FBH1: variants seen among roughly 807,000 people sequenced by gnomAD.
FBH1 encodes F-box DNA helicase 1.
A neutral mutation model predicts 115.5 loss-of-function variants in FBH1; 43 were observed. The observed-to-expected ratio is 0.37, with a 90% CI of 0.29 to 0.48. The LOEUF is 0.48. FBH1 is among the 20% of genes least tolerant of loss of function. FBH1 has a pLI of 0.99. For missense variants in FBH1, 1,001 were observed against 1,337.3 expected, an observed-to-expected ratio of 0.75 and a Z score of 3.92; for synonymous variants, 524 against 507.8, an observed-to-expected ratio of 1.03 and a Z score of -0.43.
intron 10 of FBH1, among the ~76,000 whole-genome samples, 157 bp downstream of exon 10, chr10:5,916,613 T>G (rs1831969747): frequency 6.7e-6 from 1 of 149,244 alleles, no homozygotes; most frequent in African/African-American, 2.5e-5. Flanking sequence ...AAACGGGAAG[T>G]GTTAGGGATC....
At chr10:5,904,094 A>T (rs1004184722) in intron 2 of FBH1, among the ~76,000 whole-genome samples, 7 of 151,774 alleles carry the variant, frequency 4.6e-5, no homozygotes, top group African/African-American at 7.3e-5. Context: ...TTGCTCTGTC[A>T]TCCAGGAGTG....
In FBH1 at chr10:5,925,626, C is replaced by G. The variant is rs1484653958; in HGVS notation, c.2722+134C>G. The G allele has an allele frequency of 7.1e-6, 9 of 1,268,780 alleles. No individual in the cohort carries two copies. 78.6% of individuals were successfully genotyped at this position (1,268,780 alleles called of 1,614,324 possible). Reference sequence around the variant, plus strand: ...GGGCACTTCTGGAAAAACTAAACCACAAAACACCTCCTAGTCCTAAACTTT... The same window carrying G: ...GGGCACTTCTGGAAAAACTAAACCAGAAAACACCTCCTAGTCCTAAACTTT... On this transcript the variant is annotated intron_variant, in intron 18 of 20. Transcript: ENST00000362091. The surrounding 1 kb of genome is among the most constrained non-coding windows in gnomAD (Gnocchi z 4.6).
rs140094478 is a variant in FBH1, at chr10:5,894,988, C to T, written c.1+4642C>T. The stretch of plus-strand genomic sequence containing the variant: ...AAGTGCTTCCTGGCTTGAGTGAATA[C>T]TTTTATGGTGCTGGAGTTGAGAGAT... On this transcript the variant is annotated intron_variant, in intron 1 of 20. Coordinates refer to ENST00000362091, the MANE Select transcript of FBH1 (RefSeq NM_178150.3). The T allele has an allele frequency of 1.5e-4, 238 of 1,561,894 alleles. No individual in the cohort carries two copies. The African/African-American group carries it at 3.1e-3, about 20-fold the overall frequency.
At position 5,925,155 on chromosome 10, in the gene FBH1, A is replaced by G; in HGVS notation, c.2597-212A>G. 1 of 568,790 alleles carries G rather than the reference A, an allele frequency of 1.8e-6. No individual in the cohort carries two copies. Among genetic ancestry groups the G allele is most frequent in the Non-Finnish European group, 3.0e-6 (1 of 329,850 alleles). The allele number at this position is 568,790 out of a possible 1,614,324, so 35.2% of individuals were successfully genotyped here. A position where few individuals can be genotyped will look rare whatever the true frequency, so the allele number is the denominator to read the frequency against. ...AGAGGCGTTAACTCTCCTGCAACTAATTTTCGACTTTTCCCCTCGTCTTTT... is the reference window on the plus strand; with the variant it reads ...AGAGGCGTTAACTCTCCTGCAACTAGTTTTCGACTTTTCCCCTCGTCTTTT... On this transcript the variant is annotated intron_variant, in intron 17 of 20. Coordinates refer to ENST00000362091, the MANE Select transcript of FBH1 (RefSeq NM_178150.3). This position sits in a 1 kb window ranked among gnomAD's most constrained non-coding sequence, Gnocchi z 4.6.
intron 1 of FBH1, among the ~76,000 whole-genome samples, chr10:5,898,595 G>C (rs1275964967): frequency 6.6e-6 from 1 of 152,088 alleles, no homozygotes; most frequent in Admixed American, 6.5e-5. Flanking sequence ...ATTTTTAGTA[G>C]AGATGGGGTT....
rs1044053201 is a variant in FBH1 at position 5,921,916 on chromosome 10, C to T, written c.2322+347C>T. On this transcript the variant is annotated intron_variant, in intron 15 of 20. Transcript: ENST00000362091. The surrounding 1 kb of genome is among the most constrained non-coding windows in gnomAD (Gnocchi z 6.4). ...TGAGAACAGCTGAGCTGACAACACG[C>T]AGAGTACACACCTAGGCTCTAGTTC... Among the ~76,000 whole-genome samples, 3 of 152,168 alleles carry T rather than the reference C, an allele frequency of 2.0e-5. 1 individual carries two copies. The highest frequency in any genetic ancestry group is 1.3e-4 in the Admixed American group (2 of 15,280).
At position 5,911,619 on chromosome 10, in the gene FBH1, C is replaced by T. The variant is rs1831598766; in HGVS notation, c.1211+491C>T. Among the ~76,000 whole-genome samples the T allele has an allele frequency of 6.6e-6, 1 of 152,118 alleles. No individual in the cohort carries two copies. The highest frequency in any genetic ancestry group is 1.5e-5 in the Non-Finnish European group (1 of 68,012). On this transcript the variant is annotated intron_variant, in intron 6 of 20. Coordinates refer to ENST00000362091, the MANE Select transcript of FBH1 (RefSeq NM_178150.3). The surrounding 1 kb of genome is among the most constrained non-coding windows in gnomAD (Gnocchi z 5.4). ...AGTGCCTGGGGGGTTGTGCATTTGACAAACACTGAACACCTGTGTGTGTCC... is the reference window on the plus strand; with the variant it reads ...AGTGCCTGGGGGGTTGTGCATTTGATAAACACTGAACACCTGTGTGTGTCC...
In FBH1 at chr10:5,913,497, G is replaced by A. The variant is rs532714062; in HGVS notation, c.1212-250G>A. ...CAGCTGGCGCCCCTCATTCCCTGAA[G>A]AGCCCGTCCTGGTCTCTTCCTCCTC... On this transcript the variant is annotated intron_variant, in intron 6 of 20. Coordinates refer to ENST00000362091, the MANE Select transcript of FBH1 (RefSeq NM_178150.3). This position sits in a 1 kb window ranked among gnomAD's most constrained non-coding sequence, Gnocchi z 4.4. Among the ~76,000 whole-genome samples the A allele has an allele frequency of 6.6e-6, 1 of 152,260 alleles. No homozygotes were observed. The highest frequency in any genetic ancestry group is 6.5e-5 in the Admixed American group (1 of 15,286).
At position 5,918,497 on chromosome 10, in the gene FBH1, TGGGAG is replaced by T; in HGVS notation, c.2100+21_2100+25del. On this transcript the variant is annotated intron_variant, in intron 13 of 20. Transcript: ENST00000362091. The surrounding 1 kb of genome is among the most constrained non-coding windows in gnomAD (Gnocchi z 4.0). ...CACGCAGGTAAGTGCGCACTCTGCA[TGGGAG>T]GCATTGCATCTCTCTCCCAATGTCT... The T allele has an allele frequency of 6.5e-7, 1 of 1,546,736 alleles. No individual in the cohort carries two copies. The highest frequency in any genetic ancestry group is 8.7e-7 in the Non-Finnish European group (1 of 1,151,016).
chr10:5,921,406 T>C lies in FBH1; in HGVS notation c.2201-42T>C. ...CTTTTGTGTTACAAAAGTTTTCCTC[T>C]TTATTTCAATTTGCCATAGAGTTTG... is the stretch of plus-strand genomic sequence containing the variant. On this transcript the variant is annotated intron_variant, in intron 14 of 20. Transcript: ENST00000362091. The surrounding 1 kb of genome is among the most constrained non-coding windows in gnomAD (Gnocchi z 6.4). The C allele has an allele frequency of 6.2e-7, 1 of 1,610,492 alleles. No individual in the cohort carries two copies. The highest frequency in any genetic ancestry group is 8.5e-7 in the Non-Finnish European group (1 of 1,178,988).
At position 5,923,787 on chromosome 10, in the gene FBH1, G is replaced by A. The variant is rs1010139748; in HGVS notation, c.2398+91G>A. ...CAGGCCCAGTCTGAGTCAGGGACCC[G>A]TTTCCCTCCAGAGAAGGGCGAGCTA... On this transcript the variant is annotated intron_variant, in intron 16 of 20. Transcript: ENST00000362091. This position sits in a 1 kb window ranked among gnomAD's most constrained non-coding sequence, Gnocchi z 5.7. 38 of 1,238,130 alleles carry A rather than the reference G, an allele frequency of 3.1e-5. No homozygotes were observed. The highest frequency in any genetic ancestry group is 4.1e-5 in the Non-Finnish European group (35 of 861,032). The allele number at this position is 1,238,130 out of a possible 1,614,324, so 76.7% of individuals were successfully genotyped here. A position where few individuals can be genotyped will look rare whatever the true frequency, so the allele number is the denominator to read the frequency against.
rs1344172200 is a variant in FBH1, at chr10:5,911,662, C to A, written c.1211+534C>A. Among the ~76,000 whole-genome samples the A allele has an allele frequency of 6.6e-6, 1 of 152,098 alleles. No homozygotes were observed. The highest frequency in any genetic ancestry group is 2.4e-5 in the African/African-American group (1 of 41,408). On this transcript the variant is annotated intron_variant, in intron 6 of 20. Transcript: ENST00000362091. This position sits in a 1 kb window ranked among gnomAD's most constrained non-coding sequence, Gnocchi z 5.4. ...GTGTGTCCGACAGTTGTCCACGAGC[C>A]GGTCCACTGTGACCGGCTTAGAGGA...
intron 3 of FBH1, among the ~76,000 whole-genome samples, chr10:5,907,114 C>T (rs1843742077): frequency 6.6e-6 from 1 of 152,152 alleles, no homozygotes. Context: ...AGGCGTGCGC[C>T]ACCACACCCG....
intron 1 of FBH1, chr10:5,893,905 A>G: frequency 1.2e-6 from 1 of 816,174 alleles, no homozygotes; most frequent in Non-Finnish European, 1.5e-6. Context: ...CCTTTCAAAT[A>G]TATAAAATTA....
chr10:5,937,332 G>A lies in FBH1; in HGVS notation c.*52G>A, dbSNP rs952524566. ...CAGAGCAGCTTGCCGAGGACCCCGC[G>A]TGAAGAAAGCCAGCGAGGGGGGCTT... On this transcript the variant is annotated 3_prime_UTR_variant, in exon 21 of 21. Coordinates refer to ENST00000362091, the MANE Select transcript of FBH1 (RefSeq NM_178150.3). 4.9e-6 allele frequency: 7 copies of A among 1,437,552 alleles called. No homozygotes were observed. The South Asian group carries it at 9.2e-5, about 19-fold the overall frequency. The allele number at this position is 1,437,552 out of a possible 1,614,324, so 89.0% of individuals were successfully genotyped here.
chr10:5,908,691 C>A (rs1331465196), intron 3 of FBH1, among the ~76,000 whole-genome samples: 1 of 151,964 alleles, frequency 6.6e-6, no homozygotes, highest in Non-Finnish European at 1.5e-5. Flanking sequence ...ACTGCAACCT[C>A]CGCCTCCCAG....
Position 5,936,305 on chromosome 10 carries a change from G to A in FBH1, c.2830-151G>A, listed in dbSNP as rs975596529. On this transcript the variant is annotated intron_variant, in intron 19 of 20. Coordinates refer to ENST00000362091, the MANE Select transcript of FBH1 (RefSeq NM_178150.3). The surrounding 1 kb of genome is among the most constrained non-coding windows in gnomAD (Gnocchi z 5.6). ...GCTTTGGAGGCAGGGAAAAGTTAGA[G>A]GAAGTAAGGGAGAACGGGTTAGGCG... The A allele has an allele frequency of 2.6e-5, 19 of 743,144 alleles. No homozygotes were observed. The highest frequency in any genetic ancestry group is 4.0e-5 in the Non-Finnish European group (19 of 473,786). 46.0% of individuals were successfully genotyped at this position (743,144 alleles called of 1,614,324 possible).
Position 5,923,796 on chromosome 10 carries a change from C to A in FBH1, c.2398+100C>A. 9.1e-7 allele frequency: 1 copy of A among 1,097,478 alleles called. No homozygotes were observed. The highest frequency in any genetic ancestry group is 1.3e-6 in the Non-Finnish European group (1 of 741,046). The allele number at this position is 1,097,478 out of a possible 1,614,324, so 68.0% of individuals were successfully genotyped here. Reference sequence around the variant, plus strand: ...TCTGAGTCAGGGACCCGTTTCCCTCCAGAGAAGGGCGAGCTAGTGTTGCTG... The same window carrying A: ...TCTGAGTCAGGGACCCGTTTCCCTCAAGAGAAGGGCGAGCTAGTGTTGCTG... On this transcript the variant is annotated intron_variant, in intron 16 of 20. Transcript: ENST00000362091. This position sits in a 1 kb window ranked among gnomAD's most constrained non-coding sequence, Gnocchi z 5.7.
Position 5,935,767 on chromosome 10 carries a change from G to A in FBH1, c.2830-689G>A, listed in dbSNP as rs1833299120. 3.3e-5 allele frequency: 5 copies of A among 152,202 alleles called. No homozygotes were observed. Among genetic ancestry groups the A allele is most frequent in the Admixed American group, 3.3e-4 (5 of 15,286 alleles). The allele number at this position is 152,202 out of a possible 1,614,324, so 9.4% of individuals were successfully genotyped here. A position where few individuals can be genotyped will look rare whatever the true frequency, so the allele number is the denominator to read the frequency against. ...GTCCTTTCCTGGGCAGCAGATGTGT[G>A]CGGTCCTGCTAGCATATCAGTCTGT... On this transcript the variant is annotated intron_variant, in intron 19 of 20. Transcript: ENST00000362091. The surrounding 1 kb of genome is among the most constrained non-coding windows in gnomAD (Gnocchi z 5.2).
Sources: gnomAD v4.1 joint callset for allele counts (sites outside exome capture counted in the v4.1 genomes callset) on GRCh38, gnomAD v4.1.1 for gene constraint, Gnocchi (gnomAD v3.1) non-coding constraint, MANE v1.5 for transcripts, NCBI Gene and HGNC (gene_info 2026-07-23, HGNC 2026-07-21) for gene names.